The following ROM1 variants were observed in gnomAD, a reference collection of about 807,000 sequenced individuals.
ROM1 encodes the protein retinal outer segment membrane protein 1, also known as rod outer segment membrane protein 1.
Under a neutral mutation model 23.0 loss-of-function variants are expected in ROM1, and 17 were observed. The observed-to-expected ratio is 0.74, with a 90% CI of 0.51 to 1.11. The LOEUF (loss-of-function observed/expected upper bound fraction) is 1.11, where lower values mean the gene tolerates loss of function less well. ROM1 is among the 50% of genes least tolerant of loss of function. The probability of loss-of-function intolerance (pLI) is 0.00; values close to 1 mark genes in which losing one functional copy is unlikely to be tolerated. For synonymous variants in ROM1, 200 were observed against 206.5 expected (o/e 0.97, Z 0.27); for missense variants, 436 against 439.7 (o/e 0.99, Z 0.08).
Position 62,613,498 on chromosome 11 carries a change from G to C in ROM1, c.217G>C (p.Ala73Pro), listed in dbSNP as rs1246523503. The change falls in exon 1 of 3, where the codon GCT becomes CCT. Residue 73 changes from alanine (A) to proline (P), a missense_variant. Coordinates refer to ENST00000278833, the MANE Select transcript of ROM1 (RefSeq NM_000327.4). ...PQAALAAGAV[A>P]LGTGLVGVGA... is the part of the protein sequence containing the mutation. Reference sequence around the variant, plus strand: ...GGCTGCCCTGGCAGCGGGCGCGGTGGCTCTGGGCACAGGACTAGTGGGTGT... The same window carrying C: ...GGCTGCCCTGGCAGCGGGCGCGGTGCCTCTGGGCACAGGACTAGTGGGTGT... 1 of 1,613,818 alleles carries C rather than the reference G, an allele frequency of 6.2e-7. No homozygotes were observed. The highest frequency in any genetic ancestry group is 1.1e-5 in the South Asian group (1 of 91,072).
rs748976215 is a variant in ROM1 at position 62,613,460 on chromosome 11, C to CT, written c.180dup (p.Val61CysfsTer71). On this transcript the variant is annotated frameshift_variant, in exon 1 of 3. Coordinates refer to ENST00000278833, the MANE Select transcript of ROM1 (RefSeq NM_000327.4). LOFTEE classifies it high-confidence loss of function. ...TTCCTGGCTCCCTCCTGTCAGTTCC[C>CT]TGTCCTGCCCCAGGCTGCCCTGGCA... The CT allele has an allele frequency of 1.9e-5, 30 of 1,612,960 alleles. No individual in the cohort carries two copies. In the Admixed American group the frequency reaches 4.7e-4, roughly 25 times the overall value.
In ROM1 at chr11:62,614,968, T is replaced by C; in HGVS notation, c.*129T>C. On this transcript the variant is annotated 3_prime_UTR_variant, in exon 3 of 3. Transcript: ENST00000278833. ...GCTAAGGATAGTCAGCGAGCTGGAC[T>C]GGGGTAAGAAAGAAAACCAGATGTC... 2.6e-6 allele frequency: 2 copies of C among 768,436 alleles called. No individual in the cohort carries two copies. Among genetic ancestry groups the C allele is most frequent in the Non-Finnish European group, 4.3e-6 (2 of 469,052 alleles). 47.6% of individuals were successfully genotyped at this position (768,436 alleles called of 1,614,324 possible). A position where few individuals can be genotyped will look rare whatever the true frequency, so the allele number is the denominator to read the frequency against.
chr11:62,614,180 T>C (rs1355566638), intron 1 of ROM1, 78 bp from the exon 2 acceptor site: 3 of 1,544,286 alleles, frequency 1.9e-6, no homozygotes, highest in Non-Finnish European at 1.8e-6. Context: ...TTTTCCCTTC[T>C]GAACACCTGT....
At position 62,613,427 on chromosome 11, in the gene ROM1, T is replaced by C; in HGVS notation, c.146T>C (p.Leu49Pro). ...SGHLLVQLRH[L>P]GTFLAPSCQF... ...CACCTCCTGGTCCAGCTAAGGCACC[T>C]TGGCACCTTCCTGGCTCCCTCCTGT... The change falls in exon 1 of 3, where the codon CTT becomes CCT. Residue 49 changes from leucine (L) to proline (P), a missense_variant. Leu to Pro is a moderately conservative substitution (Grantham distance 98). Coordinates refer to ENST00000278833, the MANE Select transcript of ROM1 (RefSeq NM_000327.4). 1.2e-6 allele frequency: 2 copies of C among 1,613,330 alleles called. No homozygotes were observed. The highest frequency in any genetic ancestry group is 1.1e-5 in the South Asian group (1 of 90,936).
Position 62,614,836 on chromosome 11 carries a change from C to G in ROM1, c.1053C>G (p.Ala351=). The G allele has an allele frequency of 6.2e-7, 1 of 1,613,190 alleles. No individual in the cohort carries two copies. Among genetic ancestry groups the G allele is most frequent in the South Asian group, 1.1e-5 (1 of 91,062 alleles). ...EAPPKEDLSE[A] is the part of the protein sequence containing the mutation. ...CTCCCAAGGAGGATCTATCTGAGGC[C>G]TAGAGGCCTGGAGCTTGGGGTGAGG... is the stretch of plus-strand genomic sequence containing the variant. Residue 351 remains alanine (A), a synonymous_variant, in exon 3 of 3, where the codon GCC becomes GCG. Transcript: ENST00000278833.
In ROM1 at chr11:62,614,458, T is replaced by C. The variant is rs757037351; in HGVS notation, c.791T>C (p.Leu264Ser). Residue 264 changes from leucine to serine, a missense_variant, in exon 2 of 3, where the codon TTG (leucine) becomes TCG (serine). Leu to Ser is a moderately radical substitution (Grantham distance 145, BLOSUM62 -2). Transcript: ENST00000278833. The part of the protein sequence containing the change: ...HEVLLEHLQD[L>S]AGTLGSMLAV... Reference sequence around the variant, plus strand: ...GTGCTGCTGGAGCACTTGCAGGACTTGGCAGGCACACTGGGTAGCATGCTG... The same window carrying C: ...GTGCTGCTGGAGCACTTGCAGGACTCGGCAGGCACACTGGGTAGCATGCTG... 1.2e-6 allele frequency: 2 copies of C among 1,614,178 alleles called. No individual in the cohort carries two copies. Among genetic ancestry groups the C allele is most frequent in the South Asian group, 1.1e-5 (1 of 91,082 alleles).
Position 62,613,730 on chromosome 11 carries a change from C to G in ROM1, c.449C>G (p.Pro150Arg). 2.5e-6 allele frequency: 4 copies of G among 1,614,208 alleles called. No homozygotes were observed. Among genetic ancestry groups the G allele is most frequent in the Non-Finnish European group, 3.4e-6 (4 of 1,180,032 alleles). Reference sequence around the variant, plus strand: ...GCTCACTACAAGGACACAGAGGTGCCTGGGCACTGTCAGGCCAAAAGGCTG... The same window carrying G: ...GCTCACTACAAGGACACAGAGGTGCGTGGGCACTGTCAGGCCAAAAGGCTG... ...ALAHYKDTEV[P>R]GHCQAKRLVD... The change falls in exon 1 of 3, where the codon CCT becomes CGT. Residue 150 changes from proline to arginine, a missense_variant. By Grantham distance (103) the Pro-to-Arg change is moderately radical. Coordinates refer to ENST00000278833, the MANE Select transcript of ROM1 (RefSeq NM_000327.4).
Position 62,614,359 on chromosome 11 carries a change from C to G in ROM1, c.692C>G (p.Ser231Ter). The G allele has an allele frequency of 6.2e-7, 1 of 1,614,158 alleles. No homozygotes were observed. Among genetic ancestry groups the G allele is most frequent in the Non-Finnish European group, 8.5e-7 (1 of 1,180,006 alleles). The change falls in exon 2 of 3, where the codon TCA becomes TGA. Residue 231 changes from serine (S) to a stop codon, truncating the protein, a stop_gained. Coordinates refer to ENST00000278833, the MANE Select transcript of ROM1 (RefSeq NM_000327.4). LOFTEE classifies it high-confidence loss of function. ...SPRPCLQNRL[S>*]DSYAHPLFDP... Reference sequence around the variant, plus strand: ...CGGCCTTGCCTGCAAAACCGTCTTTCAGACTCCTACGCCCACCCCCTGTTC... The same window carrying G: ...CGGCCTTGCCTGCAAAACCGTCTTTGAGACTCCTACGCCCACCCCCTGTTC...
rs1273160421 is a variant in ROM1, at chr11:62,614,375, C to A, written c.708C>A (p.His236Gln). Residue 236 changes from histidine to glutamine, a missense_variant, in exon 2 of 3, where the codon CAC becomes CAA. His to Gln is a conservative substitution (Grantham distance 24). Coordinates refer to ENST00000278833, the MANE Select transcript of ROM1 (RefSeq NM_000327.4). ...ACCGTCTTTCAGACTCCTACGCCCA[C>A]CCCCTGTTCGATCCCCGACAACCCA... ...LQNRLSDSYAHPLFDPRQPNQ... is the reference protein window; with the variant it reads ...LQNRLSDSYAQPLFDPRQPNQ... The A allele has an allele frequency of 1.2e-6, 2 of 1,613,952 alleles. No homozygotes were observed. Among genetic ancestry groups the A allele is most frequent in the Non-Finnish European group, 1.7e-6 (2 of 1,180,016 alleles).
Position 62,614,769 on chromosome 11 carries a change from C to T in ROM1, c.986C>T (p.Ala329Val), listed in dbSNP as rs139971812. 200 of 1,614,034 alleles carry T rather than the reference C, an allele frequency of 1.2e-4. No homozygotes were observed. The highest frequency in any genetic ancestry group is 1.5e-4 in the Non-Finnish European group (178 of 1,180,038). The stretch of plus-strand genomic sequence containing the variant: ...ACAGCATGGCTACAGGGAGGGGTTG[C>T]CTGCAGGCCAGCACCTGAGGAGGCC... Reference protein sequence around the residue: ...LKTAWLQGGVACRPAPEEAPP... With the variant: ...LKTAWLQGGVVCRPAPEEAPP... Residue 329 changes from alanine to valine, a missense_variant, in exon 3 of 3, where the codon GCC (alanine) becomes GTC (valine). Ala to Val is a moderately conservative substitution (Grantham distance 64). Transcript: ENST00000278833.
At chr11:62,614,198 A>G in intron 1 of ROM1, 60 bp from the exon 2 acceptor site, 2 of 1,598,104 alleles carry the variant, frequency 1.3e-6, no homozygotes, top group Non-Finnish European at 1.7e-6. Context: ...TGTGCCCTTC[A>G]GTCCCTCCCC....
chr11:62,614,616 C>T lies in ROM1; in HGVS notation c.838-5C>T, dbSNP rs755886417. The T allele has an allele frequency of 6.2e-7, 1 of 1,614,136 alleles. No individual in the cohort carries two copies. The highest frequency in any genetic ancestry group is 2.2e-5 in the East Asian group (1 of 44,906). On this transcript the variant is annotated splice_polypyrimidine_tract_variant and splice_region_variant and intron_variant, in intron 2 of 2. Coordinates refer to ENST00000278833, the MANE Select transcript of ROM1 (RefSeq NM_000327.4). ...CCTGACTCTTTCCCCTTGCTTCCCC[C>T]ACAGGCTCTGGTGCTCCTTGGCCTG...
Position 62,613,587 on chromosome 11 carries a change from G to A in ROM1, c.306G>A (p.Pro102=), listed in dbSNP as rs370606667. The A allele has an allele frequency of 1.5e-5, 25 of 1,613,088 alleles. No homozygotes were observed. The highest frequency in any genetic ancestry group is 1.6e-4 in the Middle Eastern group (1 of 6,072). ...LYPPWRGVLG[P]LLVAGTAGGG... is the part of the protein sequence containing the mutation. Reference sequence around the variant, plus strand: ...CTCCCTGGCGAGGGGTCCTGGGCCCGCTGCTGGTGGCTGGCACGGCTGGTG... The same window carrying A: ...CTCCCTGGCGAGGGGTCCTGGGCCCACTGCTGGTGGCTGGCACGGCTGGTG... Residue 102 remains proline (P), a synonymous_variant, in exon 1 of 3, where the codon CCG becomes CCA. Coordinates refer to ENST00000278833, the MANE Select transcript of ROM1 (RefSeq NM_000327.4).
In ROM1 at chr11:62,613,296, G is replaced by T. The variant is rs1942930057; in HGVS notation, c.15G>T (p.Leu5Phe). ...AGAGATGGGAGATGGCGCCGGTGTT[G>T]CCCCTGGTGCTGCCCCTGCAGCCCC... The part of the protein sequence containing the change: MAPV[L>F]PLVLPLQPRI... The change falls in exon 1 of 3, where the codon TTG (leucine) becomes TTT (phenylalanine). Residue 5 changes from leucine to phenylalanine, a missense_variant. Coordinates refer to ENST00000278833, the MANE Select transcript of ROM1 (RefSeq NM_000327.4). The T allele has an allele frequency of 4.4e-6, 7 of 1,607,140 alleles. No individual in the cohort carries two copies. Among genetic ancestry groups the T allele is most frequent in the Non-Finnish European group, 4.2e-6 (5 of 1,178,174 alleles).
At chr11:62,614,067 G>A (rs1392437623) in intron 1 of ROM1, among the ~76,000 whole-genome samples, 191 bp from the exon 2 acceptor site, 1 of 152,108 alleles carries the variant, frequency 6.6e-6, no homozygotes, top group African/African-American at 2.4e-5. Context: ...TCCTTCACCT[G>A]TAAAATGGAA....
In ROM1 at chr11:62,614,595, ACT is replaced by A. The variant is rs746448028; in HGVS notation, c.838-23_838-22del. ...CTCTTGGAACCGCTGACTCTCCCTG[ACT>A]CTTTCCCCTTGCTTCCCCCACAGGC... is the stretch of plus-strand genomic sequence containing the variant. On this transcript the variant is annotated intron_variant, in intron 2 of 2. Transcript: ENST00000278833. 3.1e-6 allele frequency: 5 copies of A among 1,613,516 alleles called. No individual in the cohort carries two copies. The East Asian group carries it at 1.1e-4, about 36-fold the overall frequency.
rs1942955539 is a variant in ROM1 at position 62,613,701 on chromosome 11, C to T, written c.420C>T (p.Ala140=). The T allele has an allele frequency of 6.2e-7, 1 of 1,614,202 alleles. No individual in the cohort carries two copies. Among genetic ancestry groups the T allele is most frequent in the Non-Finnish European group, 8.5e-7 (1 of 1,180,030 alleles). The change falls in exon 1 of 3, where the codon GCC becomes GCT. Residue 140 remains alanine (A), a synonymous_variant. Coordinates refer to ENST00000278833, the MANE Select transcript of ROM1 (RefSeq NM_000327.4). ...DEALEEGLVT[A]LAHYKDTEVP... is the part of the protein sequence containing the mutation. Reference sequence around the variant, plus strand: ...CGCTGGAGGAGGGCCTGGTGACTGCCTTGGCTCACTACAAGGACACAGAGG... The same window carrying T: ...CGCTGGAGGAGGGCCTGGTGACTGCTTTGGCTCACTACAAGGACACAGAGG...
Position 62,613,355 on chromosome 11 carries a change from CCTGGCTGCTGGCG to C in ROM1, c.82_94del (p.Leu28ValfsTer15), listed in dbSNP as rs779968578. 2 of 1,613,692 alleles carry C rather than the reference CCTGGCTGCTGGCG, an allele frequency of 1.2e-6. No homozygotes were observed. The highest frequency in any genetic ancestry group is 1.7e-6 in the Non-Finnish European group (2 of 1,179,856). ...CTGGCACAAGGGCTCTGGCTCCTCT[CCTGGCTGCTGGCG>C]CTGGCTGGTGGCGTCATCCTCCTCT... On this transcript the variant is annotated frameshift_variant, in exon 1 of 3. Coordinates refer to ENST00000278833, the MANE Select transcript of ROM1 (RefSeq NM_000327.4). LOFTEE classifies it high-confidence loss of function.
chr11:62,613,889 C>G lies in ROM1; in HGVS notation c.590+18C>G. The G allele has an allele frequency of 6.2e-7, 1 of 1,613,428 alleles. No homozygotes were observed. The highest frequency in any genetic ancestry group is 8.5e-7 in the Non-Finnish European group (1 of 1,179,846). On this transcript the variant is annotated intron_variant, in intron 1 of 2. Transcript: ENST00000278833. ...GTGGCTGAGTGAGTGATTTGCGTCT[C>G]CCTTCCTCCTCCTCCTCCTCCCTGG...
Sources: gnomAD v4.1 joint callset for allele counts (sites outside exome capture counted in the v4.1 genomes callset) on GRCh38, gnomAD v4.1.1 for gene constraint, MANE v1.5 for transcripts, NCBI Gene and HGNC (gene_info 2026-07-23, HGNC 2026-07-21) for gene names.